Variants in SEMA6D observed in about 807,000 individuals in gnomAD.
The protein encoded by SEMA6D is semaphorin 6D, also known as semaphorin-6D.
SEMA6D carries 35 observed loss-of-function variants against 106.6 expected under a neutral mutation model. The ratio of observed to expected loss-of-function variants is 0.33; its 90% CI spans 0.25 to 0.44. SEMA6D has a LOEUF of 0.44. Ranked by LOEUF, SEMA6D falls within the 20% of genes least tolerant of loss-of-function variation. SEMA6D has a pLI of 1.00. For synonymous variants in SEMA6D, 499 were observed against 487.7 expected, an observed-to-expected ratio of 1.02 and a Z score of -0.31; for missense variants, 1,185 against 1,345.9, an observed-to-expected ratio of 0.88 and a Z score of 1.87.
intron 3 of SEMA6D, among the ~76,000 whole-genome samples, chr15:47,567,069 A>G (rs2046251247): frequency 6.6e-6 from 1 of 152,354 alleles, no homozygotes; most frequent in Admixed American, 6.5e-5. Flanking sequence ...CAGTATTTAT[A>G]GTGGCTGTGG....
At chr15:47,320,451 A>G (rs947162241) in intron 1 of SEMA6D, among the ~76,000 whole-genome samples, 3 of 152,124 alleles carry the variant, frequency 2.0e-5, no homozygotes, top group African/African-American at 4.8e-5. Flanking sequence ...GTGTCACCCA[A>G]TTTCACTTTA....
intron 3 of SEMA6D, among the ~76,000 whole-genome samples, chr15:47,486,129 G>T (rs1255392421): frequency 6.6e-6 from 1 of 152,290 alleles, no homozygotes; most frequent in South Asian, 2.1e-4. Context: ...CCAGACATAA[G>T]AACTCATTTT....
chr15:47,190,055 A>G (rs1167157247), intron 1 of SEMA6D, among the ~76,000 whole-genome samples: 2 of 152,190 alleles, frequency 1.3e-5, no homozygotes, highest in African/African-American at 2.4e-5. Context: ...CTCAATTCAA[A>G]TTGGTGTTTG....
intron 1 of SEMA6D, among the ~76,000 whole-genome samples, chr15:47,368,460 C>A (rs986286715): frequency 1.4e-5 from 2 of 141,256 alleles, no homozygotes; most frequent in Non-Finnish European, 3.1e-5. Context: ...GAAAATTAGC[C>A]TTTATTTATT....
chr15:47,634,658 G>T (rs2077350089), intron 4 of SEMA6D, among the ~76,000 whole-genome samples: 1 of 152,114 alleles, frequency 6.6e-6, no homozygotes, highest in Non-Finnish European at 1.5e-5. Context: ...TTGTTTCAGG[G>T]TCATTAAGGA....
intron 1 of SEMA6D, among the ~76,000 whole-genome samples, chr15:47,327,908 T>G (rs1268252875): frequency 6.6e-6 from 1 of 152,218 alleles, no homozygotes; most frequent in African/African-American, 2.4e-5. Context: ...TATTAATAGT[T>G]TTTTTCATTT....
At chr15:47,413,673 G>A (rs1367750515) in intron 2 of SEMA6D, among the ~76,000 whole-genome samples, 4 of 152,184 alleles carry the variant, frequency 2.6e-5, no homozygotes, top group South Asian at 4.2e-4. Flanking sequence ...TATAGAGATA[G>A]GGTATCACTG....
At chr15:47,337,512 T>A (rs908103002) in intron 1 of SEMA6D, among the ~76,000 whole-genome samples, 2 of 152,094 alleles carry the variant, frequency 1.3e-5, no homozygotes, top group African/African-American at 4.8e-5. Context: ...CAGAGGGCTA[T>A]TTAAAAAAAA....
intron 2 of SEMA6D, among the ~76,000 whole-genome samples, chr15:47,446,605 A>G (rs1332438151): frequency 2.0e-5 from 3 of 152,076 alleles, no homozygotes; most frequent in Non-Finnish European, 4.4e-5. Flanking sequence ...TTTAGTTACT[A>G]ATAGTAATTC....
intron 2 of SEMA6D, among the ~76,000 whole-genome samples, chr15:47,451,191 T>C (rs2042181442): frequency 6.6e-6 from 1 of 152,060 alleles, no homozygotes; most frequent in Non-Finnish European, 1.5e-5. Context: ...ACACAGGTTA[T>C]GGCAAGGATT....
At chr15:47,752,179 C>G (rs2081479044) in intron 1 of SEMA6D, among the ~76,000 whole-genome samples, 2 of 152,294 alleles carry the variant, frequency 1.3e-5, no homozygotes, top group East Asian at 3.9e-4. Flanking sequence ...GGTTTATATT[C>G]TGAAAAGATC....
chr15:47,591,569 G>C (rs747936024), intron 3 of SEMA6D, among the ~76,000 whole-genome samples: 1 of 152,136 alleles, frequency 6.6e-6, no homozygotes, highest in Non-Finnish European at 1.5e-5. Flanking sequence ...CAGGTGGAAG[G>C]AACAAGACTT....
chr15:47,699,318 C>G (rs4775703), intron 4 of SEMA6D, among the ~76,000 whole-genome samples: 23,010 of 151,972 alleles, frequency 0.15, 1,953 homozygotes, highest in South Asian at 0.2. Context: ...AGTACTTTGC[C>G]CTTGCTATTT....
At chr15:47,226,752 A>T (rs1344170261) in intron 1 of SEMA6D, among the ~76,000 whole-genome samples, 1 of 152,030 alleles carries the variant, frequency 6.6e-6, no homozygotes, top group African/African-American at 2.4e-5. Context: ...GAAGCCACAA[A>T]AAAAACAAGA....
chr15:47,384,302 C>T (rs1215756677), intron 1 of SEMA6D, among the ~76,000 whole-genome samples: 1 of 152,228 alleles, frequency 6.6e-6, no homozygotes, highest in Non-Finnish European at 1.5e-5. Context: ...ATTTCTAGCG[C>T]CTATTCACTA....
At chr15:47,552,023 A>G (rs770204377) in intron 3 of SEMA6D, among the ~76,000 whole-genome samples, 1 of 151,490 alleles carries the variant, frequency 6.6e-6, no homozygotes, top group African/African-American at 2.4e-5. Flanking sequence ...GTGGGACTCC[A>G]GCCCAAGGAA....
At chr15:47,570,321 C>T (rs1172392578) in intron 3 of SEMA6D, among the ~76,000 whole-genome samples, 1 of 152,092 alleles carries the variant, frequency 6.6e-6, no homozygotes, top group East Asian at 1.9e-4. Flanking sequence ...ATGTAGGTGG[C>T]CCGCGGCCAT....
intron 4 of SEMA6D, among the ~76,000 whole-genome samples, chr15:47,683,271 C>T (rs966206598): frequency 3.3e-5 from 5 of 152,112 alleles, no homozygotes; most frequent in Admixed American, 2.0e-4. Context: ...CCATGTGTAC[C>T]CATTGCTTAG....
chr15:47,318,969 G>C (rs1010700043), intron 1 of SEMA6D, among the ~76,000 whole-genome samples: 1 of 152,116 alleles, frequency 6.6e-6, no homozygotes, highest in Non-Finnish European at 1.5e-5. Flanking sequence ...TCTAACTGGT[G>C]TGAGATGGTA....
Sources: gnomAD v4.1 joint callset for allele counts (sites outside exome capture counted in the v4.1 genomes callset) on GRCh38, gnomAD v4.1.1 for gene constraint, MANE v1.5 for transcripts, NCBI Gene and HGNC (gene_info 2026-07-23, HGNC 2026-07-21) for gene names.